Variants in GRIK2 observed in about 807,000 individuals in gnomAD.
The protein encoded by GRIK2 is glutamate ionotropic receptor kainate type subunit 2.
GRIK2 carries 32 observed loss-of-function variants against 100.3 expected under a neutral mutation model. The observed-to-expected ratio is 0.32, with a 90% CI of 0.24 to 0.43. GRIK2 has a LOEUF of 0.43. Among genes scored for constraint, GRIK2 ranks in the 20% least tolerant of loss-of-function variants. The pLI is 1.00. For synonymous variants in GRIK2, 417 were observed against 389.4 expected, an observed-to-expected ratio of 1.07 and a Z score of -0.83; for missense variants, 843 against 1,114.9, an observed-to-expected ratio of 0.76 and a Z score of 3.47.
At chr6:101,822,292 G>A (rs1330033845) in intron 10 of GRIK2, among the ~76,000 whole-genome samples, 3 of 149,564 alleles carry the variant, frequency 2.0e-5, no homozygotes, top group East Asian at 4.0e-4. Context: ...TAAATGATAC[G>A]GTGCCTTAAT....
chr6:101,416,834 G>C (rs549733536), intron 2 of GRIK2, among the ~76,000 whole-genome samples: 1 of 152,266 alleles, frequency 6.6e-6, no homozygotes, highest in African/African-American at 2.4e-5. Flanking sequence ...GTCATCTATG[G>C]AGTAGGAAAT....
chr6:101,565,568 G>A (rs1165910507), intron 2 of GRIK2, among the ~76,000 whole-genome samples: 2 of 151,902 alleles, frequency 1.3e-5, no homozygotes, highest in Admixed American at 6.6e-5. Context: ...ATTTAACAAA[G>A]AAGATTGCAT....
intron 7 of GRIK2, among the ~76,000 whole-genome samples, chr6:101,777,129 C>G (rs1294709757): frequency 3.9e-5 from 6 of 152,198 alleles, no homozygotes; most frequent in Non-Finnish European, 5.9e-5. Context: ...ATACAAAGAG[C>G]CAGCAACAGA....
At chr6:101,645,715 C>T (rs1397832705) in intron 4 of GRIK2, among the ~76,000 whole-genome samples, 2 of 151,756 alleles carry the variant, frequency 1.3e-5, no homozygotes, top group African/African-American at 2.4e-5. Context: ...TCTGATTTTA[C>T]AAGTTGATGG....
rs182548562 is a variant in GRIK2, at chr6:101,431,205, A to G, written c.115+31813A>G. On this transcript the variant is annotated intron_variant, in intron 2 of 16. Coordinates refer to ENST00000369134, the MANE Select transcript of GRIK2 (RefSeq NM_021956.5). ...CTCATTGCAGAGGGTATGATGCCAG[A>G]TCTTCTCCATGTTGTACCAGTTGGA... 41 of 197,602 alleles carry G rather than the reference A, an allele frequency of 2.1e-4. No individual in the cohort carries two copies. In the East Asian group the frequency reaches 5.4e-3, roughly 26 times the overall value. The allele number at this position is 197,602 out of a possible 1,614,324, so 12.2% of individuals were successfully genotyped here. A position where few individuals can be genotyped will look rare whatever the true frequency, so the allele number is the denominator to read the frequency against.
At chr6:101,545,930 C>T (rs914801365) in intron 2 of GRIK2, among the ~76,000 whole-genome samples, 1 of 124,488 alleles carries the variant, frequency 8.0e-6, no homozygotes, top group Admixed American at 9.0e-5. Context: ...ATCTGTGCTG[C>T]CATTTAGTTC....
At chr6:101,707,808 G>A (rs1219247875) in intron 7 of GRIK2, among the ~76,000 whole-genome samples, 1 of 151,356 alleles carries the variant, frequency 6.6e-6, no homozygotes, top group Admixed American at 6.6e-5. Context: ...AAGATTGCAA[G>A]ATCTCTCAGT....
At chr6:101,449,229 C>T (rs1339124977) in intron 2 of GRIK2, among the ~76,000 whole-genome samples, 2 of 151,502 alleles carry the variant, frequency 1.3e-5, no homozygotes, top group Non-Finnish European at 3.0e-5. Flanking sequence ...TATTTAACTG[C>T]CAAAATATTA....
chr6:101,815,289 T>G (rs1002261217), intron 9 of GRIK2, among the ~76,000 whole-genome samples: 2 of 152,180 alleles, frequency 1.3e-5, no homozygotes, highest in Non-Finnish European at 2.9e-5. Flanking sequence ...CTGCATATTT[T>G]ATAATCTCAT....
At chr6:102,010,368 C>T (rs1404089309) in intron 14 of GRIK2, among the ~76,000 whole-genome samples, 2 of 150,934 alleles carry the variant, frequency 1.3e-5, no homozygotes, top group African/African-American at 4.9e-5. Flanking sequence ...CTCCTCCTCC[C>T]CCCACTTCTT....
At chr6:101,718,703 CAA>C (rs1774238832) in intron 7 of GRIK2, among the ~76,000 whole-genome samples, 1 of 151,954 alleles carries the variant, frequency 6.6e-6, no homozygotes. Flanking sequence ...CCTTTGATAT[CAA>C]ACAGTTCACC....
intron 4 of GRIK2, among the ~76,000 whole-genome samples, chr6:101,668,998 G>C: frequency 6.6e-6 from 1 of 151,526 alleles, no homozygotes; most frequent in Non-Finnish European, 1.5e-5. Flanking sequence ...AGTAGAAAAA[G>C]GTTAAAAAAA....
chr6:101,768,966 G>T (rs1199382985), intron 7 of GRIK2, among the ~76,000 whole-genome samples: 1 of 152,128 alleles, frequency 6.6e-6, no homozygotes, highest in East Asian at 1.9e-4. Flanking sequence ...AAAAAAGACA[G>T]ATTATCATTT....
chr6:101,579,643 G>C (rs1257876171), intron 2 of GRIK2, among the ~76,000 whole-genome samples: 1 of 151,946 alleles, frequency 6.6e-6, no homozygotes, highest in East Asian at 1.9e-4. Flanking sequence ...ACAAGGTCAA[G>C]AGATCAAGGC....
intron 7 of GRIK2, among the ~76,000 whole-genome samples, chr6:101,726,884 A>T (rs1774907056): frequency 6.6e-6 from 1 of 152,050 alleles, no homozygotes; most frequent in African/African-American, 2.4e-5. Context: ...GAATCAAGTC[A>T]TGAAAGCAGA....
At chr6:101,811,092 A>G (rs879658107) in intron 9 of GRIK2, among the ~76,000 whole-genome samples, 1 of 152,100 alleles carries the variant, frequency 6.6e-6, no homozygotes, top group Admixed American at 6.6e-5. Context: ...GAAGTAGTCA[A>G]TATACTTCAA....
chr6:101,752,649 T>C (rs1175180881), intron 7 of GRIK2, among the ~76,000 whole-genome samples: 2 of 152,200 alleles, frequency 1.3e-5, no homozygotes, highest in Non-Finnish European at 2.9e-5. Flanking sequence ...TCTAGGTTTT[T>C]AGTGATAACA....
chr6:102,011,576 C>CTTT (rs1795535227), intron 14 of GRIK2, among the ~76,000 whole-genome samples: 1 of 102,436 alleles, frequency 9.8e-6, no homozygotes, highest in African/African-American at 4.4e-5. Flanking sequence ...TCTTTCTTTT[C>CTTT]CTTTTTTTTT....
chr6:101,641,249 C>CTAA (rs1781265982), intron 4 of GRIK2, among the ~76,000 whole-genome samples: 1 of 151,894 alleles, frequency 6.6e-6, no homozygotes, highest in African/African-American at 2.4e-5. Context: ...ACAAAAAGTA[C>CTAA]TAATTAATTA....
Sources: gnomAD v4.1 joint callset for allele counts (sites outside exome capture counted in the v4.1 genomes callset) on GRCh38, gnomAD v4.1.1 for gene constraint, MANE v1.5 for transcripts, NCBI Gene and HGNC (gene_info 2026-07-23, HGNC 2026-07-21) for gene names.